Variants in RANBP2 observed in about 807,000 individuals in gnomAD.
RANBP2 encodes the protein RAN binding protein 2, also known as E3 SUMO-protein ligase RanBP2.
In RANBP2, 57 loss-of-function variants were observed where a neutral mutation model predicts 303.6. The ratio of observed to expected loss-of-function variants is 0.19; its 90% CI spans 0.15 to 0.23. RANBP2 has a LOEUF of 0.23. Ranked by LOEUF, RANBP2 falls within the 10% of genes least tolerant of loss-of-function variation. The pLI, the probability that RANBP2 is intolerant of heterozygous loss-of-function variation, is 1.00. For missense variants in RANBP2, 3,138 were observed against 3,780.8 expected (o/e 0.83, Z 4.46); for synonymous variants, 1,167 against 1,301.5 (o/e 0.90, Z 2.23).
the RANBP2 span, among the ~76,000 whole-genome samples, chr2:109,271,374 C>T: frequency 6.6e-6 from 1 of 152,234 alleles, no homozygotes; most frequent in African/African-American, 2.4e-5. Context: ...AAGAAAATCT[C>T]AACCCAAAAG....
At chr2:109,482,456 C>G in the RANBP2 span, among the ~76,000 whole-genome samples, 2 of 152,192 alleles carry the variant, frequency 1.3e-5, no homozygotes, top group African/African-American at 4.8e-5. Context: ...CGCAGAACAC[C>G]GTGCTGTGGC....
chr2:109,181,835 C>A, the RANBP2 span, among the ~76,000 whole-genome samples: 1 of 151,882 alleles, frequency 6.6e-6, no homozygotes, highest in African/African-American at 2.4e-5. Flanking sequence ...TTTTCCATGA[C>A]CTACACCTTT....
At chr2:109,617,905 G>A in the RANBP2 span, 1 of 162,300 alleles carries the variant, frequency 6.2e-6, no homozygotes, top group Non-Finnish European at 1.5e-5. Flanking sequence ...TGTAGTCCCA[G>A]CTACTTAGGA....
the RANBP2 span, among the ~76,000 whole-genome samples, chr2:109,194,987 G>T: frequency 6.6e-6 from 1 of 152,130 alleles, no homozygotes; most frequent in Non-Finnish European, 1.5e-5. Flanking sequence ...CCTTTTTTGT[G>T]GATTTTGAGA....
the RANBP2 span, among the ~76,000 whole-genome samples, chr2:109,092,257 A>G: frequency 6.6e-6 from 1 of 152,078 alleles, no homozygotes; most frequent in Admixed American, 6.5e-5. Context: ...GGTAAGCGCA[A>G]CAGGCCTGTC....
the RANBP2 span, among the ~76,000 whole-genome samples, chr2:108,968,211 A>C: frequency 6.6e-6 from 1 of 152,188 alleles, no homozygotes; most frequent in Non-Finnish European, 1.5e-5. Context: ...CAGCTGCATC[A>C]GCATCGCCAG....
chr2:109,328,454 T>A, the RANBP2 span, among the ~76,000 whole-genome samples: 2 of 152,192 alleles, frequency 1.3e-5, no homozygotes, highest in Non-Finnish European at 2.9e-5. Flanking sequence ...CCATTCCCTG[T>A]ATTTCCTGTA....
chr2:108,969,673 T>C, the RANBP2 span, among the ~76,000 whole-genome samples: 1 of 152,222 alleles, frequency 6.6e-6, no homozygotes, highest in Non-Finnish European at 1.5e-5. Context: ...ATTTATTAAG[T>C]GCTTACTAAA....
the RANBP2 span, among the ~76,000 whole-genome samples, chr2:109,165,950 T>C: frequency 1.3e-5 from 2 of 152,230 alleles, no homozygotes; most frequent in African/African-American, 4.8e-5. Context: ...TGTCTGACTT[T>C]AGCTCTGTCT....
At chr2:109,042,586 G>C in the RANBP2 span, among the ~76,000 whole-genome samples, 2 of 152,046 alleles carry the variant, frequency 1.3e-5, no homozygotes, top group African/African-American at 4.8e-5. Flanking sequence ...AGTTCTAAAG[G>C]CCAAACTCCC....
chr2:109,189,351 G>T, the RANBP2 span, among the ~76,000 whole-genome samples: 1 of 146,520 alleles, frequency 6.8e-6, no homozygotes, highest in South Asian at 2.2e-4. Context: ...AGGAACTTAC[G>T]TGTTCAGTCG....
the RANBP2 span, chr2:109,129,626 A>T: frequency 6.7e-7 from 1 of 1,491,728 alleles, no homozygotes; most frequent in South Asian, 1.3e-5. Flanking sequence ...AGGCCAGGCG[A>T]GCGACGGCGG....
chr2:109,258,660 C>T, the RANBP2 span, among the ~76,000 whole-genome samples: 6 of 152,252 alleles, frequency 3.9e-5, no homozygotes, highest in Non-Finnish European at 5.9e-5. Flanking sequence ...TCACCGGTAC[C>T]TCTAGGAGCC....
chr2:109,294,560 C>CA, the RANBP2 span, among the ~76,000 whole-genome samples: 197 of 100,528 alleles, frequency 2.0e-3, no homozygotes, highest in Admixed American at 4.5e-3. Context: ...GACTCAGTCT[C>CA]AAAAAAAAAA....
At chr2:109,582,346 A>C in the RANBP2 span, among the ~76,000 whole-genome samples, 2 of 152,116 alleles carry the variant, frequency 1.3e-5, no homozygotes, top group African/African-American at 4.8e-5. Context: ...TTGAGAAGGT[A>C]TCACTCTGTC....
chr2:109,008,987 T>G, the RANBP2 span, among the ~76,000 whole-genome samples: 1 of 152,040 alleles, frequency 6.6e-6, no homozygotes, highest in Admixed American at 6.6e-5. Context: ...TTTATATACT[T>G]AGATAAAAAG....
the RANBP2 span, among the ~76,000 whole-genome samples, chr2:109,648,358 T>C: frequency 2.0e-5 from 3 of 152,176 alleles, no homozygotes; most frequent in African/African-American, 7.2e-5. Flanking sequence ...CCATCTGATT[T>C]ACACTTTTTT....
the RANBP2 span, among the ~76,000 whole-genome samples, chr2:109,316,345 C>T: frequency 6.6e-6 from 1 of 152,180 alleles, no homozygotes. Flanking sequence ...GTGATGGTGG[C>T]TGGCTCTACA....
the RANBP2 span, among the ~76,000 whole-genome samples, chr2:109,232,373 C>G: frequency 6.6e-6 from 1 of 152,140 alleles, no homozygotes; most frequent in African/African-American, 2.4e-5. Context: ...AAATATGGCT[C>G]AGGTTAGTAC....
Sources: gnomAD v4.1 joint callset for allele counts (sites outside exome capture counted in the v4.1 genomes callset) on GRCh38, gnomAD v4.1.1 for gene constraint, MANE v1.5 for transcripts, NCBI Gene and HGNC (gene_info 2026-07-23, HGNC 2026-07-21) for gene names.